The following FAM13A variants were observed in gnomAD, a reference collection of about 807,000 sequenced individuals.
The protein encoded by FAM13A is family with sequence similarity 13 member A.
FAM13A carries 76 observed loss-of-function variants against 129.6 expected under a neutral mutation model. The ratio of observed to expected loss-of-function variants is 0.59; its 90% confidence interval spans 0.49 to 0.71. The LOEUF is 0.71. FAM13A is among the 30% of genes least tolerant of loss of function. The pLI is 0.00. For synonymous variants in FAM13A, 443 were observed against 449.9 expected, an observed-to-expected ratio of 0.98 and a Z score of 0.20; for missense variants, 1,108 against 1,249.3, an observed-to-expected ratio of 0.89 and a Z score of 1.70.
intron 23 of FAM13A, 113 bp from the exon 24 acceptor site, chr4:88,728,772 A>G: frequency 7.8e-7 from 1 of 1,288,752 alleles, no homozygotes. Flanking sequence ...CAACTTGTAG[A>G]ATCAGTGTTG....
intron 4 of FAM13A, among the ~76,000 whole-genome samples, chr4:88,984,014 A>T (rs1761946088): frequency 6.6e-6 from 1 of 152,216 alleles, no homozygotes. Flanking sequence ...ATTGTGGTCA[A>T]CTTATTTTTG....
intron 5 of FAM13A, among the ~76,000 whole-genome samples, chr4:88,922,908 A>C (rs935240215): frequency 6.6e-6 from 1 of 152,236 alleles, no homozygotes; most frequent in African/African-American, 2.4e-5. Context: ...ACCATCAGAG[A>C]ATACTACAAA....
At chr4:89,024,387 A>G (rs1418086568) in intron 2 of FAM13A, among the ~76,000 whole-genome samples, 1 of 152,250 alleles carries the variant, frequency 6.6e-6, no homozygotes, top group Non-Finnish European at 1.5e-5. Context: ...TGTATGCTTT[A>G]TAAGTTATAA....
chr4:88,918,217 T>G (rs1195895851), intron 5 of FAM13A, among the ~76,000 whole-genome samples: 1 of 152,254 alleles, frequency 6.6e-6, no homozygotes, highest in African/African-American at 2.4e-5. Context: ...AATTTTGAAT[T>G]GAAATCGTGC....
intron 4 of FAM13A, among the ~76,000 whole-genome samples, chr4:88,954,832 G>C (rs1380256411): frequency 6.6e-6 from 1 of 150,800 alleles, no homozygotes; most frequent in Non-Finnish European, 1.5e-5. Context: ...GTTGCAGTGA[G>C]CAGAGATTGT....
At chr4:88,843,879 G>C (rs528185052) in intron 7 of FAM13A, among the ~76,000 whole-genome samples, 1 of 152,194 alleles carries the variant, frequency 6.6e-6, no homozygotes, top group African/African-American at 2.4e-5. Context: ...CAATGAGAGC[G>C]CACGGCTGTC....
At chr4:89,024,879 G>GA (rs56252031) in intron 2 of FAM13A, among the ~76,000 whole-genome samples, 91,193 of 151,872 alleles carry the variant, frequency 0.6, 28,037 homozygotes, top group Middle Eastern at 0.69. Context: ...TGATTCAGTA[G>GA]TATGAGGTGT....
Position 88,748,976 on chromosome 4 carries a change from C to A in FAM13A, c.2137G>T (p.Ala713Ser). 6.2e-7 allele frequency: 1 copy of A among 1,613,936 alleles called. No homozygotes were observed. ...PEVLKWTNDL[A>S]KFRRQLKESK... The stretch of plus-strand genomic sequence containing the variant: ...CCTTTAAGTTGTCTCCGGAATTTGG[C>A]AAGGTCATTTGTCCATTTCAGAACC... Residue 713 changes from alanine (A) to serine (S), a missense_variant, in exon 17 of 24, where the codon GCC becomes TCC. By Grantham distance (99) the Ala-to-Ser change is moderately conservative. Around this residue, in one of 3 missense-constraint regions of FAM13A, gnomAD observed 529 missense variants for 621.2 expected, o/e 0.85. Coordinates refer to ENST00000264344, the MANE Select transcript of FAM13A (RefSeq NM_014883.4).
At chr4:88,792,336 A>T (rs1157226073) in intron 8 of FAM13A, among the ~76,000 whole-genome samples, 1 of 152,216 alleles carries the variant, frequency 6.6e-6, no homozygotes, top group African/African-American at 2.4e-5. Context: ...TAAGCTCTTA[A>T]TCACTCCACT....
chr4:88,949,581 T>A (rs1756594278), intron 4 of FAM13A, among the ~76,000 whole-genome samples: 1 of 152,230 alleles, frequency 6.6e-6, no homozygotes, highest in African/African-American at 2.4e-5. Context: ...TATTCCTTAA[T>A]ATGTTATAAA....
intron 7 of FAM13A, among the ~76,000 whole-genome samples, chr4:88,807,356 G>C (rs1398207861): frequency 6.6e-6 from 1 of 151,996 alleles, no homozygotes; most frequent in African/African-American, 2.4e-5. Flanking sequence ...TATGACTGCG[G>C]GCCAGATCCT....
intron 3 of FAM13A, among the ~76,000 whole-genome samples, chr4:89,009,931 C>A (rs1163775649): frequency 6.6e-6 from 1 of 152,150 alleles, no homozygotes; most frequent in Non-Finnish European, 1.5e-5. Context: ...GTTAAGACGG[C>A]CCTTTTGAGC....
chr4:88,763,573 C>T (rs1327571613), intron 13 of FAM13A, among the ~76,000 whole-genome samples: 1 of 152,210 alleles, frequency 6.6e-6, no homozygotes, highest in Non-Finnish European at 1.5e-5. Context: ...AGACTTGTCC[C>T]TGTCCAGCTG....
At chr4:89,023,300 C>G (rs1767519310) in intron 2 of FAM13A, among the ~76,000 whole-genome samples, 1 of 152,158 alleles carries the variant, frequency 6.6e-6, no homozygotes. Context: ...CATTCCGTCC[C>G]TGGTCAAATA....
chr4:88,909,492 T>A (rs1234650581), intron 5 of FAM13A, among the ~76,000 whole-genome samples: 2 of 151,884 alleles, frequency 1.3e-5, no homozygotes, highest in Non-Finnish European at 1.5e-5. Flanking sequence ...TGAGGTTTTT[T>A]ATTTTTTTTT....
At chr4:88,903,406 A>T (rs1346271295) in intron 6 of FAM13A, among the ~76,000 whole-genome samples, 2 of 152,132 alleles carry the variant, frequency 1.3e-5, no homozygotes, top group Non-Finnish European at 2.9e-5. Flanking sequence ...GTACTGGTAC[A>T]AAAACAGACA....
chr4:88,737,930 A>C (rs1279414124), intron 20 of FAM13A, among the ~76,000 whole-genome samples: 1 of 152,196 alleles, frequency 6.6e-6, no homozygotes, highest in Non-Finnish European at 1.5e-5. Context: ...CTCAGAAAGC[A>C]ATACAAAGGG....
intron 5 of FAM13A, among the ~76,000 whole-genome samples, chr4:88,915,388 T>C (rs1453191043): frequency 1.3e-5 from 2 of 152,206 alleles, no homozygotes; most frequent in African/African-American, 4.8e-5. Flanking sequence ...AAAAACTCTG[T>C]AATTTTCTGG....
intron 2 of FAM13A, among the ~76,000 whole-genome samples, chr4:89,027,887 T>G (rs1172387108): frequency 1.3e-5 from 2 of 151,988 alleles, no homozygotes; most frequent in East Asian, 3.9e-4. Context: ...ATCATGCTAC[T>G]GAGAAGGCTA....
Sources: gnomAD v4.1 joint callset for allele counts (sites outside exome capture counted in the v4.1 genomes callset) on GRCh38, gnomAD v4.1.1 for gene constraint, gnomAD v4.1.1 regional missense constraint, MANE v1.5 for transcripts, NCBI Gene and HGNC (gene_info 2026-07-23, HGNC 2026-07-21) for gene names.